The following GOLM1 variants were observed in gnomAD, a reference collection of about 807,000 sequenced individuals.
GOLM1 encodes the protein epididymis luminal protein 46.
Under a neutral mutation model 50.5 loss-of-function variants are expected in GOLM1, and 31 were observed. The observed-to-expected ratio is 0.61, with a 90% CI of 0.46 to 0.83. GOLM1 has a LOEUF of 0.83. GOLM1 is among the 40% of genes least tolerant of loss of function. The pLI is 0.00. For synonymous variants in GOLM1, 178 were observed against 192.8 expected (o/e 0.92, Z 0.64); for missense variants, 491 against 501.3 (o/e 0.98, Z 0.20).
chr9:86,054,288 A>G (rs1261222375), intron 3 of GOLM1, among the ~76,000 whole-genome samples: 1 of 145,094 alleles, frequency 6.9e-6, no homozygotes, highest in Non-Finnish European at 1.5e-5. Flanking sequence ...TTTTTTTGAG[A>G]CAGAGTTTTG....
Position 86,079,217 on chromosome 9 carries a change from G to A in GOLM1, c.104C>T (p.Ala35Val), listed in dbSNP as rs140378725. The A allele has an allele frequency of 2.5e-5, 40 of 1,599,822 alleles. No homozygotes were observed. Among genetic ancestry groups the A allele is most frequent in the African/African-American group, 1.9e-4 (14 of 74,246 alleles). Residue 35 changes from alanine to valine, a missense_variant, in exon 2 of 10, where the codon GCG becomes GTG. Coordinates refer to ENST00000388712, the MANE Select transcript of GOLM1 (RefSeq NM_016548.4). ...CTGGAGGTCCACGCTCCGGGAGCTC[G>A]CAATCCAGTAGTTGAAGCCCAAGAC... ...IIVLGFNYWI[A>V]SSRSVDLQTR...
At chr9:86,068,803 G>A (rs1485705045) in intron 3 of GOLM1, among the ~76,000 whole-genome samples, 1 of 152,224 alleles carries the variant, frequency 6.6e-6, no homozygotes, top group African/African-American at 2.4e-5. Context: ...CGTATGCTTT[G>A]TGTTCAAAAC....
chr9:86,093,863 C>G (rs1001779873), intron 1 of GOLM1, among the ~76,000 whole-genome samples: 1 of 152,116 alleles, frequency 6.6e-6, no homozygotes, highest in South Asian at 2.1e-4. Context: ...TATATAGGAG[C>G]AATCGCGTCA....
intron 1 of GOLM1, among the ~76,000 whole-genome samples, chr9:86,095,424 TTA>T (rs1491365139): frequency 0.02 from 2,674 of 135,496 alleles, 37 homozygotes; most frequent in African/African-American, 0.046. Context: ...TTTTTTTTTT[TTA>T]AAATAGAGAT....
chr9:86,044,000 C>T (rs984982638), intron 5 of GOLM1, among the ~76,000 whole-genome samples: 1 of 152,170 alleles, frequency 6.6e-6, no homozygotes, highest in Non-Finnish European at 1.5e-5. Context: ...TGTCTAAATG[C>T]AATTCTTTAA....
chr9:86,067,201 A>G (rs888851192), intron 3 of GOLM1, among the ~76,000 whole-genome samples: 13 of 152,208 alleles, frequency 8.5e-5, no homozygotes, highest in Non-Finnish European at 1.8e-4. Flanking sequence ...CTGGGATTAC[A>G]GGTATCAGCC....
In GOLM1 at chr9:86,071,326, G is replaced by A. The variant is rs1408666769; in HGVS notation, c.309+6086C>T. On this transcript the variant is annotated intron_variant, in intron 3 of 9. Transcript: ENST00000388712. ...TTGCCCAGGCTGGTCTTGAACTCCT[G>A]GCCTCAAGCAATCCTCCCGCCTTAG... Among the ~76,000 whole-genome samples, 7 of 152,006 alleles carry A rather than the reference G, an allele frequency of 4.6e-5. No homozygotes were observed. In the East Asian group the frequency reaches 1.4e-3, roughly 30 times the overall value.
intron 3 of GOLM1, among the ~76,000 whole-genome samples, chr9:86,073,765 T>G (rs1470147766): frequency 6.6e-6 from 1 of 152,220 alleles, no homozygotes; most frequent in Admixed American, 6.5e-5. Context: ...GACCATTATT[T>G]GGCTATTTAC....
intron 5 of GOLM1, among the ~76,000 whole-genome samples, chr9:86,043,391 T>C (rs1833425034): frequency 6.6e-6 from 1 of 152,180 alleles, no homozygotes; most frequent in South Asian, 2.1e-4. Flanking sequence ...TTCTCGGCAC[T>C]GCCTTCTATA....
intron 3 of GOLM1, among the ~76,000 whole-genome samples, chr9:86,075,810 G>C (rs1221206633): frequency 6.6e-6 from 1 of 152,018 alleles, no homozygotes; most frequent in East Asian, 1.9e-4. Context: ...TGAGGTTAAA[G>C]GGGATTTCAG....
chr9:86,053,396 G>GC (rs1833842421), intron 3 of GOLM1, among the ~76,000 whole-genome samples: 5 of 2,516 alleles, frequency 2.0e-3, no homozygotes, highest in Non-Finnish European at 2.5e-3. Context: ...CCACACATCA[G>GC]TCCACACCAC....
At chr9:86,062,032 A>G (rs2118788439) in intron 3 of GOLM1, among the ~76,000 whole-genome samples, 2 of 151,820 alleles carry the variant, frequency 1.3e-5, no homozygotes, top group East Asian at 3.9e-4. Context: ...AGCTTCAGAA[A>G]ACACCATCTA....
At chr9:86,028,804 A>AT (rs1832871363) in intron 9 of GOLM1, among the ~76,000 whole-genome samples, 1 of 149,762 alleles carries the variant, frequency 6.7e-6, no homozygotes, top group Non-Finnish European at 1.5e-5. Flanking sequence ...GAAGAAAGCC[A>AT]TACCCCCATT....
chr9:86,053,585 ACCACACCACTCCACACACACAT>A (rs1833867843), intron 3 of GOLM1, among the ~76,000 whole-genome samples: 3 of 1,384 alleles, frequency 2.2e-3, no homozygotes, highest in Non-Finnish European at 6.6e-3. Context: ...CACACCACAC[ACCACACCACTCCACACACACAT>A]CACACACCAC....
At chr9:86,061,294 T>A (rs957759467) in intron 3 of GOLM1, among the ~76,000 whole-genome samples, 23 of 152,208 alleles carry the variant, frequency 1.5e-4, no homozygotes, top group African/African-American at 5.5e-4. Context: ...AATTAGAAGA[T>A]GCTGAGATAA....
rs71505775 is a variant in GOLM1 at position 86,088,420 on chromosome 9, G to GTATATATATATATATATA, written c.-21-9097_-21-9080dup. Among the ~76,000 whole-genome samples, 203 of 86,238 alleles carry GTATATATATATATATATA rather than the reference G, an allele frequency of 2.4e-3. 4 individuals carry two copies. Among genetic ancestry groups the GTATATATATATATATATA allele is most frequent in the African/African-American group, 4.8e-3 (84 of 17,384 alleles). 56.6% of individuals were successfully genotyped at this position (86,238 alleles called of 152,430 possible). ...TGGATTCGTTGTTTTTTTGAAGGGT[G>GTATATATATATATATATA]TATATATATATATATATATATATAT... On this transcript the variant is annotated intron_variant, in intron 1 of 9. Transcript: ENST00000388712.
At position 86,089,971 on chromosome 9, in the gene GOLM1, C is replaced by G. The variant is rs114912955; in HGVS notation, c.-22+9440G>C. On this transcript the variant is annotated intron_variant, in intron 1 of 9. Transcript: ENST00000388712. The stretch of plus-strand genomic sequence containing the variant: ...GATGTCCTTTTTGTTGATGCTATTC[C>G]TTTCTGTTAGTTTCCCTTCTCACTG... 3.6e-3 allele frequency among the ~76,000 whole-genome samples: 549 copies of G among 152,210 alleles called. 3 individuals carry two copies. The highest frequency in any genetic ancestry group is 0.013 in the African/African-American group (522 of 41,540).
Position 86,074,384 on chromosome 9 carries a change from C to CTGTG in GOLM1, c.309+3024_309+3027dup, listed in dbSNP as rs147285107. Among the ~76,000 whole-genome samples the CTGTG allele has an allele frequency of 6.5e-4, 99 of 152,284 alleles. 2 individuals are homozygous for CTGTG. In the East Asian group the frequency reaches 0.015, roughly 23 times the overall value. On this transcript the variant is annotated intron_variant, in intron 3 of 9. Coordinates refer to ENST00000388712, the MANE Select transcript of GOLM1 (RefSeq NM_016548.4). ...AAAGAAGATGTTTTTAAAGTTTCTACTGTGAAGTCTTTAATGCAGACAAAG... is the reference window on the plus strand; with the variant it reads ...AAAGAAGATGTTTTTAAAGTTTCTACTGTGTGTGAAGTCTTTAATGCAGACAAAG...
chr9:86,070,336 G>C (rs1306444044), intron 3 of GOLM1, among the ~76,000 whole-genome samples: 2 of 152,116 alleles, frequency 1.3e-5, no homozygotes, highest in Non-Finnish European at 2.9e-5. Flanking sequence ...TACTTTGGGA[G>C]GCCAAGGTGG....
Sources: allele counts gnomAD v4.1 joint callset (sites outside exome capture counted in the v4.1 genomes callset), GRCh38; gene constraint gnomAD v4.1.1; transcripts MANE v1.5; gene names NCBI Gene and HGNC (gene_info 2026-07-23, HGNC 2026-07-21).